Variants in GPI observed in about 807,000 individuals in gnomAD.
GPI encodes the protein D-hexose-6-phosphate anomerase.
In GPI, 56 loss-of-function variants were observed where a neutral mutation model predicts 75.8. The ratio of observed to expected loss-of-function variants is 0.74; its 90% confidence interval spans 0.60 to 0.92. The LOEUF is 0.92. GPI is among the 40% of genes least tolerant of loss of function. GPI has a pLI of 0.00. For synonymous variants in GPI, 288 were observed against 285.4 expected (o/e 1.01, Z -0.09); for missense variants, 638 against 741.0 (o/e 0.86, Z 1.61).
chr19:34,367,558 G>T (rs2145322026), intron 3 of GPI, among the ~76,000 whole-genome samples: 1 of 152,276 alleles, frequency 6.6e-6, no homozygotes, highest in Middle Eastern at 3.4e-3. Context: ...GGGTGAGGGT[G>T]GGGTGGCATG....
At position 34,393,580 on chromosome 19, in the gene GPI, C is replaced by T; in HGVS notation, c.866-148C>T. ...TCCCTGCACTCAGGGCCACCTCTCA[C>T]TGGAGGGGCTTTGTCTAGGTCCGAG... On this transcript the variant is annotated intron_variant, in intron 10 of 17. Transcript: ENST00000356487. This position sits in a 1 kb window ranked among gnomAD's most constrained non-coding sequence, Gnocchi z 4.4. 1 of 790,328 alleles carries T rather than the reference C, an allele frequency of 1.3e-6. No homozygotes were observed. The highest frequency in any genetic ancestry group is 2.2e-6 in the Non-Finnish European group (1 of 459,564). 49.0% of individuals were successfully genotyped at this position (790,328 alleles called of 1,614,324 possible).
intron 9 of GPI, among the ~76,000 whole-genome samples, chr19:34,385,757 C>G (rs1296306401): frequency 6.6e-6 from 1 of 151,868 alleles, no homozygotes; most frequent in African/African-American, 2.4e-5. Context: ...TCATCACATG[C>G]AGGTAGGGGG....
chr19:34,365,135 G>T, upstream of GPI: 1 of 1,216,128 alleles, frequency 8.2e-7, no homozygotes, highest in Non-Finnish European at 1.0e-6. Context: ...TCAGGGGTGG[G>T]GCCGGGCCGG....
At chr19:34,388,960 G>A (rs539737529) in intron 9 of GPI, among the ~76,000 whole-genome samples, 1 of 152,182 alleles carries the variant, frequency 6.6e-6, no homozygotes, top group African/African-American at 2.4e-5. Context: ...AAGCATGGTG[G>A]TGTGTGCCTG....
At chr19:34,389,178 G>A (rs951497664) in intron 9 of GPI, among the ~76,000 whole-genome samples, 7 of 152,168 alleles carry the variant, frequency 4.6e-5, no homozygotes, top group African/African-American at 1.4e-4. Flanking sequence ...GTAGGACTGC[G>A]TCTGTCAGGT....
chr19:34,382,110 C>T (rs2074663704), intron 9 of GPI, among the ~76,000 whole-genome samples: 1 of 152,190 alleles, frequency 6.6e-6, no homozygotes, highest in African/African-American at 2.4e-5. Flanking sequence ...GTGCACTTGC[C>T]TGAGCTCAGC....
intron 4 of GPI, among the ~76,000 whole-genome samples, chr19:34,377,290 A>C (rs2074553171): frequency 1.7e-5 from 2 of 119,384 alleles, no homozygotes; most frequent in South Asian, 3.3e-4. Flanking sequence ...CAACAGAGCA[A>C]GGCTTCATCT....
upstream of GPI, chr19:34,364,892 A>C (rs2074329930): frequency 7.7e-7 from 1 of 1,294,504 alleles, no homozygotes; most frequent in South Asian, 1.3e-5. Context: ...ACTAGTGCAC[A>C]GGGAGTGCAG....
intron 3 of GPI, chr19:34,367,148 A>G (rs964503615): frequency 5.8e-6 from 3 of 519,676 alleles, no homozygotes; most frequent in African/African-American, 1.9e-5. Context: ...TAACTCTAAT[A>G]TATCCTCAAT....
intron 4 of GPI, among the ~76,000 whole-genome samples, 159 bp from the exon 5 acceptor site, chr19:34,377,344 T>A (rs1405893829): frequency 7.1e-4 from 66 of 93,424 alleles, no homozygotes; most frequent in Admixed American, 1.4e-3. Context: ...AAAATATATA[T>A]ATATATATAT....
intron 3 of GPI, among the ~76,000 whole-genome samples, chr19:34,368,348 G>T (rs768011041): frequency 6.6e-6 from 1 of 152,212 alleles, no homozygotes; most frequent in Non-Finnish European, 1.5e-5. Flanking sequence ...CCTGTCCTAG[G>T]CATATATGGG....
At chr19:34,368,120 C>A (rs966106456) in intron 3 of GPI, among the ~76,000 whole-genome samples, 1 of 152,194 alleles carries the variant, frequency 6.6e-6, no homozygotes, top group Admixed American at 6.5e-5. Context: ...AGGATGTCAC[C>A]ATGTTGGCCA....
At chr19:34,378,143 C>T (rs992392898) in intron 6 of GPI, among the ~76,000 whole-genome samples, 1 of 152,222 alleles carries the variant, frequency 6.6e-6, no homozygotes, top group Non-Finnish European at 1.5e-5. Context: ...CTCTGCTCAG[C>T]CTGGGACTGC....
intron 9 of GPI, among the ~76,000 whole-genome samples, chr19:34,383,920 GT>G (rs1270612146): frequency 6.6e-6 from 1 of 152,188 alleles, no homozygotes; most frequent in African/African-American, 2.4e-5. Flanking sequence ...GAAAGTGTCT[GT>G]TCAGGTTAGG....
At chr19:34,387,480 C>G (rs1045790650) in intron 9 of GPI, among the ~76,000 whole-genome samples, 4 of 151,814 alleles carry the variant, frequency 2.6e-5, no homozygotes, top group African/African-American at 9.7e-5. Context: ...GATCCAGGCT[C>G]AGTGCTGGCA....
chr19:34,377,336 A>AAAATATAT (rs2074558981), intron 4 of GPI, among the ~76,000 whole-genome samples, 167 bp from the exon 5 acceptor site: 1 of 49,326 alleles, frequency 2.0e-5, no homozygotes. Flanking sequence ...AAAAAAAAAA[A>AAAATATAT]ATATATATAT....
upstream of GPI, among the ~76,000 whole-genome samples, chr19:34,361,838 C>T (rs561926729): frequency 1.1e-4 from 16 of 151,810 alleles, no homozygotes; most frequent in African/African-American, 3.1e-4. Context: ...AAAATTAGGC[C>T]GGGTGCAGTG....
chr19:34,377,757 C>T lies in GPI; in HGVS notation c.509C>T (p.Ala170Val), dbSNP rs1471958980. 1 of 1,613,812 alleles carries T rather than the reference C, an allele frequency of 6.2e-7. No homozygotes were observed. Among genetic ancestry groups the T allele is most frequent in the Non-Finnish European group, 8.5e-7 (1 of 1,179,848 alleles). ...CAGGGACCCCTCATGGTGACTGAAG[C>T]CCTTAAGCCATACTCTTCAGGAGGT... ...SDLGPLMVTE[A>V]LKPYSSGGPR... is the part of the protein sequence containing the mutation. Residue 170 changes from alanine to valine, a missense_variant, in exon 6 of 18, where the codon GCC becomes GTC. Physicochemically the swap from Ala to Val is moderately conservative, Grantham distance 64 (BLOSUM62 0). Coordinates refer to ENST00000356487, the MANE Select transcript of GPI (RefSeq NM_000175.5).
intron 4 of GPI, among the ~76,000 whole-genome samples, chr19:34,375,445 G>A (rs1368669059): frequency 6.6e-6 from 1 of 152,150 alleles, no homozygotes; most frequent in Non-Finnish European, 1.5e-5. Flanking sequence ...ACCATGCCCG[G>A]CCTAGCAGTA....
Sources: gnomAD v4.1 joint callset for allele counts (sites outside exome capture counted in the v4.1 genomes callset) on GRCh38, gnomAD v4.1.1 for gene constraint, Gnocchi (gnomAD v3.1) non-coding constraint, MANE v1.5 for transcripts, NCBI Gene and HGNC (gene_info 2026-07-23, HGNC 2026-07-21) for gene names.